Variants in HYCC1 observed in about 807,000 individuals in gnomAD.
HYCC1 encodes the protein hyccin PI4KA lipid kinase complex subunit 1.
the HYCC1 span, among the ~76,000 whole-genome samples, chr7:22,933,491 C>G: frequency 6.6e-6 from 1 of 151,742 alleles, no homozygotes; most frequent in South Asian, 2.1e-4. Flanking sequence ...GCCATTCTGC[C>G]TCTCTTAGAT....
At chr7:22,959,121 T>C in the HYCC1 span, among the ~76,000 whole-genome samples, 1 of 152,192 alleles carries the variant, frequency 6.6e-6, no homozygotes, top group Non-Finnish European at 1.5e-5. Flanking sequence ...GGTGGTATAA[T>C]TTGCCTTGCT....
At chr7:22,940,250 T>TTTTTG in the HYCC1 span, 1 of 130,870 alleles carries the variant, frequency 7.6e-6, no homozygotes, top group African/African-American at 3.1e-5. Flanking sequence ...TTTTTTTTTT[T>TTTTTG]TTTTTTTTTT....
At chr7:22,915,970 C>T in the HYCC1 span, among the ~76,000 whole-genome samples, 1 of 152,100 alleles carries the variant, frequency 6.6e-6, no homozygotes. Flanking sequence ...TCCTTCACAT[C>T]CTCCCCTTGT....
chr7:22,925,514 C>T, the HYCC1 span, among the ~76,000 whole-genome samples: 3 of 152,166 alleles, frequency 2.0e-5, no homozygotes, highest in African/African-American at 7.2e-5. Flanking sequence ...AAAACCACGG[C>T]ACGAGAACTA....
chr7:22,915,501 CCTGGCAGCCA>C, the HYCC1 span, among the ~76,000 whole-genome samples: 6 of 152,348 alleles, frequency 3.9e-5, no homozygotes, highest in African/African-American at 1.4e-4. Flanking sequence ...GTCCACCTTG[CCTGGCAGCCA>C]CTCGCAGAAT....
the HYCC1 span, among the ~76,000 whole-genome samples, chr7:22,979,433 G>A: frequency 6.6e-6 from 1 of 152,160 alleles, no homozygotes; most frequent in Non-Finnish European, 1.5e-5. Flanking sequence ...TGTGGCCATG[G>A]AAAGATAACA....
the HYCC1 span, among the ~76,000 whole-genome samples, chr7:22,907,104 C>CAAAAAAAAAAAAAAAAAAAAAAAAA: frequency 2.3e-5 from 1 of 43,540 alleles, no homozygotes; most frequent in African/African-American, 9.8e-5. Flanking sequence ...GACTCTATCT[C>CAAAAAAAAAAAAAAAAAAAAAAAAA]AAAAAAAAAA....
At chr7:22,943,170 A>C in the HYCC1 span, 1 of 152,092 alleles carries the variant, frequency 6.6e-6, no homozygotes, top group African/African-American at 2.4e-5. Flanking sequence ...AAAAATAAGG[A>C]TCATTAGCAA....
the HYCC1 span, chr7:22,991,177 ATATTT>A: frequency 1.5e-5 from 20 of 1,350,692 alleles, no homozygotes; most frequent in South Asian, 2.3e-4. Context: ...CGTTTTGAAT[ATATTT>A]TATTTAGTCA....
the HYCC1 span, among the ~76,000 whole-genome samples, chr7:22,988,036 A>G: frequency 6.6e-6 from 1 of 152,212 alleles, no homozygotes; most frequent in Non-Finnish European, 1.5e-5. Flanking sequence ...CATGTTCCCA[A>G]GCACTTTTCT....
chr7:22,960,188 C>A, the HYCC1 span: 1 of 1,492,100 alleles, frequency 6.7e-7, no homozygotes, highest in Non-Finnish European at 9.3e-7. Context: ...AGTTATAGCA[C>A]CATAAGTACA....
the HYCC1 span, chr7:22,945,495 C>T: frequency 7.5e-5 from 69 of 920,008 alleles, no homozygotes; most frequent in Non-Finnish European, 9.7e-5. Flanking sequence ...GGGCTCCTGT[C>T]AGGAATACGG....
chr7:22,931,362 G>A, the HYCC1 span, among the ~76,000 whole-genome samples: 1 of 151,782 alleles, frequency 6.6e-6, no homozygotes, highest in African/African-American at 2.4e-5. Context: ...CTCCAGAACT[G>A]TGAGAGAATA....
chr7:22,951,766 T>G, the HYCC1 span, among the ~76,000 whole-genome samples: 1 of 151,918 alleles, frequency 6.6e-6, no homozygotes, highest in African/African-American at 2.4e-5. Context: ...TGTGATATCA[T>G]GTAGCCATTA....
the HYCC1 span, chr7:22,985,568 G>A: frequency 6.6e-6 from 1 of 151,976 alleles, no homozygotes; most frequent in African/African-American, 2.4e-5. Context: ...AGCAAATGTG[G>A]ACTATTTGGA....
the HYCC1 span, chr7:22,964,467 G>T: frequency 2.5e-6 from 4 of 1,611,620 alleles, no homozygotes; most frequent in African/African-American, 1.3e-5. Flanking sequence ...GAAGAAACTG[G>T]TATCCTGCTA....
At chr7:22,947,787 T>C in the HYCC1 span, among the ~76,000 whole-genome samples, 1 of 152,028 alleles carries the variant, frequency 6.6e-6, no homozygotes, top group Admixed American at 6.6e-5. Context: ...ACCATGATAT[T>C]TGGGAAAATG....
the HYCC1 span, among the ~76,000 whole-genome samples, chr7:22,990,490 T>C: frequency 6.6e-6 from 1 of 152,234 alleles, no homozygotes; most frequent in Non-Finnish European, 1.5e-5. Flanking sequence ...CACATAATTA[T>C]GTGTCACATA....
the HYCC1 span, among the ~76,000 whole-genome samples, chr7:23,002,164 A>T: frequency 7.7e-5 from 2 of 26,136 alleles, no homozygotes; most frequent in African/African-American, 2.0e-4. Context: ...ATATATATAT[A>T]TATATATATA....
Sources: gnomAD v4.1 joint callset for allele counts (sites outside exome capture counted in the v4.1 genomes callset) on GRCh38, gnomAD v4.1.1 for gene constraint, MANE v1.5 for transcripts, NCBI Gene and HGNC (gene_info 2026-07-23, HGNC 2026-07-21) for gene names.